The following RANBP2 variants were observed in gnomAD, a reference collection of about 807,000 sequenced individuals.
The protein encoded by RANBP2 is E3 SUMO-protein ligase RanBP2.
RANBP2 carries 57 observed loss-of-function variants against 303.6 expected under a neutral mutation model. The observed-to-expected ratio is 0.19, with a 90% CI of 0.15 to 0.23. The LOEUF (loss-of-function observed/expected upper bound fraction) is 0.23, where lower values mean the gene tolerates loss of function less well. Ranked by LOEUF, RANBP2 falls within the 10% of genes least tolerant of loss-of-function variation. RANBP2 has a pLI of 1.00. For missense variants in RANBP2, 3,138 were observed against 3,780.8 expected (o/e 0.83, Z 4.46); for synonymous variants, 1,167 against 1,301.5 (o/e 0.90, Z 2.23).
At chr2:108,993,973 C>T in the RANBP2 span, among the ~76,000 whole-genome samples, 1 of 152,168 alleles carries the variant, frequency 6.6e-6, no homozygotes, top group Non-Finnish European at 1.5e-5. Context: ...GTGTCATTTA[C>T]AAGGGCACTA....
the RANBP2 span, among the ~76,000 whole-genome samples, chr2:109,497,751 G>A: frequency 1.3e-5 from 2 of 152,198 alleles, no homozygotes; most frequent in Non-Finnish European, 2.9e-5. Context: ...ATCCATCTGG[G>A]CTCATTAAAT....
chr2:109,374,937 C>T, the RANBP2 span, among the ~76,000 whole-genome samples: 26 of 152,362 alleles, frequency 1.7e-4, no homozygotes, highest in African/African-American at 6.0e-4. Flanking sequence ...GCTCTCCCTC[C>T]GTGGTTGTGT....
At chr2:109,506,610 A>T in the RANBP2 span, among the ~76,000 whole-genome samples, 1 of 152,186 alleles carries the variant, frequency 6.6e-6, no homozygotes, top group East Asian at 1.9e-4. Flanking sequence ...ATGTTATGTC[A>T]CTGGATCCTT....
the RANBP2 span, chr2:109,419,613 G>A: frequency 6.3e-6 from 10 of 1,589,786 alleles, no homozygotes; most frequent in Admixed American, 7.1e-5. Context: ...AGCAGGGCAC[G>A]CCTCCCAAGG....
the RANBP2 span, among the ~76,000 whole-genome samples, chr2:109,210,589 G>C: frequency 3.3e-5 from 5 of 152,196 alleles, no homozygotes; most frequent in African/African-American, 1.2e-4. Flanking sequence ...GGCTCTGCAG[G>C]TGTGGATTGT....
At chr2:109,495,930 AT>A in the RANBP2 span, among the ~76,000 whole-genome samples, 4 of 152,250 alleles carry the variant, frequency 2.6e-5, no homozygotes, top group Admixed American at 6.5e-5. Flanking sequence ...CAATAATAAT[AT>A]ATGCTATTGT....
chr2:109,187,457 G>A, the RANBP2 span, among the ~76,000 whole-genome samples: 1 of 152,206 alleles, frequency 6.6e-6, no homozygotes, highest in East Asian at 1.9e-4. Context: ...AGACGTTGCT[G>A]TTGTTGACAA....
the RANBP2 span, among the ~76,000 whole-genome samples, chr2:108,798,218 T>C: frequency 6.6e-6 from 1 of 152,192 alleles, no homozygotes; most frequent in Non-Finnish European, 1.5e-5. Context: ...CAGTGGACTC[T>C]TACTATAGTG....
the RANBP2 span, among the ~76,000 whole-genome samples, chr2:109,157,278 G>T: frequency 6.6e-6 from 1 of 152,174 alleles, no homozygotes; most frequent in Non-Finnish European, 1.5e-5. Context: ...CAGAGAGCCC[G>T]CATTCCTGTC....
chr2:108,781,588 T>G (rs1678261441), intron 26 of RANBP2, among the ~76,000 whole-genome samples, 159 bp downstream of exon 26: 1 of 152,228 alleles, frequency 6.6e-6, no homozygotes, highest in Admixed American at 6.5e-5. Flanking sequence ...AAGTATAAAT[T>G]ATCTTTTTAC....
chr2:109,282,911 GAGA>G, the RANBP2 span, among the ~76,000 whole-genome samples: 1 of 152,120 alleles, frequency 6.6e-6, no homozygotes, highest in Non-Finnish European at 1.5e-5. Context: ...AGGTGACAGT[GAGA>G]AGGAGAAACT....
At chr2:109,542,952 G>T in the RANBP2 span, 1 of 152,550 alleles carries the variant, frequency 6.6e-6, no homozygotes. Context: ...TTTTTAAAAT[G>T]AGAGTTTTCA....
At chr2:109,022,494 C>G in the RANBP2 span, among the ~76,000 whole-genome samples, 1 of 152,164 alleles carries the variant, frequency 6.6e-6, no homozygotes, top group African/African-American at 2.4e-5. Flanking sequence ...TTAAAAATTA[C>G]TGTTTTTCAG....
chr2:108,786,341 C>T (rs1678711240), downstream of RANBP2, among the ~76,000 whole-genome samples: 1 of 151,444 alleles, frequency 6.6e-6, no homozygotes, highest in African/African-American at 2.4e-5. Context: ...GCAATGCTCC[C>T]GCCTCAGCCT....
chr2:109,640,031 G>GA, the RANBP2 span, among the ~76,000 whole-genome samples: 4 of 151,658 alleles, frequency 2.6e-5, no homozygotes, highest in Admixed American at 2.0e-4. Context: ...ATTAAGGTCA[G>GA]AAAAGAACCC....
the RANBP2 span, chr2:108,930,824 G>C: frequency 1.0e-6 from 1 of 952,540 alleles, no homozygotes; most frequent in Non-Finnish European, 1.7e-6. Context: ...TGCAGGCCTG[G>C]TTTCATTTCA....
At chr2:109,268,650 G>C in the RANBP2 span, among the ~76,000 whole-genome samples, 2 of 152,100 alleles carry the variant, frequency 1.3e-5, no homozygotes, top group East Asian at 3.9e-4. Context: ...ACATTCAGTA[G>C]AATCTTTACT....
chr2:109,480,876 A>G, the RANBP2 span, among the ~76,000 whole-genome samples: 1 of 152,008 alleles, frequency 6.6e-6, no homozygotes, highest in South Asian at 2.1e-4. Flanking sequence ...GCATCTGTGG[A>G]TGGTTTGATT....
chr2:109,303,172 G>A, the RANBP2 span, among the ~76,000 whole-genome samples: 2 of 152,154 alleles, frequency 1.3e-5, no homozygotes, highest in Non-Finnish European at 2.9e-5. Context: ...CACCGCGCCC[G>A]GCCGATCTCC....
Sources: gnomAD v4.1 joint callset for allele counts (sites outside exome capture counted in the v4.1 genomes callset) on GRCh38, gnomAD v4.1.1 for gene constraint, MANE v1.5 for transcripts, NCBI Gene and HGNC (gene_info 2026-07-23, HGNC 2026-07-21) for gene names.